The following CALN1 variants were observed in gnomAD, a reference collection of about 807,000 sequenced individuals.
The protein encoded by CALN1 is calneuron 1.
Under a neutral mutation model 30.6 loss-of-function variants are expected in CALN1, and 17 were observed. That is an observed-to-expected ratio of 0.56 (90% CI 0.38 to 0.83). The LOEUF is 0.83. Ranked by LOEUF, CALN1 falls within the 40% of genes least tolerant of loss-of-function variation. The probability of loss-of-function intolerance (pLI) is 0.00; values close to 1 mark genes in which losing one functional copy is unlikely to be tolerated. For synonymous variants in CALN1, 156 were observed against 131.4 expected (o/e 1.19, Z -1.28); for missense variants, 291 against 354.9 (o/e 0.82, Z 1.45).
At chr7:72,191,582 T>C (rs1452679081) in intron 3 of CALN1, among the ~76,000 whole-genome samples, 1 of 115,948 alleles carries the variant, frequency 8.6e-6, no homozygotes, top group African/African-American at 3.6e-5. Context: ...AAAAAAAGAA[T>C]GGCAGAGGAA....
At chr7:71,850,627 GT>G (rs1278887119) in intron 5 of CALN1, among the ~76,000 whole-genome samples, 3 of 152,212 alleles carry the variant, frequency 2.0e-5, no homozygotes, top group Non-Finnish European at 2.9e-5. Flanking sequence ...TAGGGGGGAG[GT>G]TATAGATTCT....
intron 4 of CALN1, among the ~76,000 whole-genome samples, chr7:72,060,715 A>G (rs1803587545): frequency 6.6e-6 from 1 of 152,104 alleles, no homozygotes; most frequent in African/African-American, 2.4e-5. Flanking sequence ...ACCGTGATGC[A>G]TGGTAGTGAG....
At chr7:72,359,425 G>A (rs1295234440) in intron 2 of CALN1, among the ~76,000 whole-genome samples, 1 of 152,094 alleles carries the variant, frequency 6.6e-6, no homozygotes, top group Non-Finnish European at 1.5e-5. Flanking sequence ...ACATATATCT[G>A]CTGCTTCTTT....
intron 3 of CALN1, among the ~76,000 whole-genome samples, chr7:72,260,439 G>T (rs906995599): frequency 1.3e-5 from 2 of 152,162 alleles, no homozygotes; most frequent in Admixed American, 6.6e-5. Flanking sequence ...CAGACCCCAG[G>T]TTAAAAACTT....
intron 3 of CALN1, among the ~76,000 whole-genome samples, chr7:72,221,221 A>C (rs555474877): frequency 6.6e-6 from 1 of 151,940 alleles, no homozygotes; most frequent in East Asian, 1.9e-4. Flanking sequence ...GAACTGACCT[A>C]TCAGGGAAGC....
intron 4 of CALN1, among the ~76,000 whole-genome samples, chr7:72,098,097 A>T (rs1806370360): frequency 1.3e-5 from 2 of 152,176 alleles, no homozygotes; most frequent in Admixed American, 1.3e-4. Flanking sequence ...CCTGACATGC[A>T]AAGGACACCT....
At chr7:72,181,735 A>AG (rs1789823369) in intron 3 of CALN1, among the ~76,000 whole-genome samples, 1 of 152,172 alleles carries the variant, frequency 6.6e-6, no homozygotes, top group Admixed American at 6.5e-5. Flanking sequence ...TTGGCCTCCC[A>AG]AAGTGCTGGG....
chr7:72,273,937 T>C (rs375262277), intron 3 of CALN1, among the ~76,000 whole-genome samples: 12 of 152,176 alleles, frequency 7.9e-5, no homozygotes, highest in East Asian at 1.9e-4. Context: ...AAAAGTTTCA[T>C]GCAAAAGAAA....
chr7:72,281,524 C>T (rs1268701404), intron 2 of CALN1, among the ~76,000 whole-genome samples: 2 of 152,158 alleles, frequency 1.3e-5, no homozygotes, highest in Non-Finnish European at 2.9e-5. Flanking sequence ...AAGACACCTG[C>T]TCTGATATTA....
chr7:72,099,272 CCTTT>C (rs1249459379), intron 4 of CALN1, among the ~76,000 whole-genome samples: 1 of 103,428 alleles, frequency 9.7e-6, no homozygotes, highest in Non-Finnish European at 1.8e-5. Context: ...CCCAAACACT[CCTTT>C]TTTTTTTTTT....
chr7:72,124,237 T>C (rs1022860105), intron 3 of CALN1, among the ~76,000 whole-genome samples: 1 of 152,020 alleles, frequency 6.6e-6, no homozygotes, highest in Non-Finnish European at 1.5e-5. Flanking sequence ...CTGCAATCTA[T>C]TGGAGAAAAC....
intron 5 of CALN1, among the ~76,000 whole-genome samples, chr7:71,972,894 A>G (rs1373519610): frequency 6.6e-6 from 1 of 152,022 alleles, no homozygotes; most frequent in African/African-American, 2.4e-5. Flanking sequence ...TGTTCCCCAT[A>G]TTTTGCAGCT....
chr7:71,907,456 C>T (rs1794204399), intron 5 of CALN1, among the ~76,000 whole-genome samples: 1 of 152,158 alleles, frequency 6.6e-6, no homozygotes. Flanking sequence ...CTATGAAGCA[C>T]ACCACACAGC....
At chr7:72,186,719 G>C (rs1038058713) in intron 3 of CALN1, among the ~76,000 whole-genome samples, 2 of 152,074 alleles carry the variant, frequency 1.3e-5, no homozygotes, top group Admixed American at 6.6e-5. Flanking sequence ...AGGTGCATTT[G>C]TGTGGCTGCG....
intron 5 of CALN1, among the ~76,000 whole-genome samples, chr7:71,846,223 A>G (rs1790226134): frequency 6.6e-6 from 1 of 152,128 alleles, no homozygotes; most frequent in African/African-American, 2.4e-5. Flanking sequence ...TTCTCATTGA[A>G]TATATATTGA....
chr7:72,054,432 CGT>C (rs1491097619), intron 4 of CALN1, among the ~76,000 whole-genome samples: 9 of 21,888 alleles, frequency 4.1e-4, no homozygotes, highest in East Asian at 9.3e-3. Context: ...TATATATACA[CGT>C]ATATATATAT....
upstream of CALN1, among the ~76,000 whole-genome samples, chr7:72,448,773 T>C (rs1808598737): frequency 6.6e-6 from 1 of 151,904 alleles, no homozygotes; most frequent in African/African-American, 2.4e-5. Context: ...GCCCGGATAA[T>C]TTTTTGTATT....
chr7:72,150,142 A>C (rs1182652933), intron 3 of CALN1, among the ~76,000 whole-genome samples: 2 of 138,400 alleles, frequency 1.4e-5, no homozygotes, highest in Non-Finnish European at 3.3e-5. Context: ...AAAAAAAAAA[A>C]AACAGATAGA....
chr7:72,328,317 G>A (rs1585502555), intron 2 of CALN1, among the ~76,000 whole-genome samples: 2 of 152,242 alleles, frequency 1.3e-5, no homozygotes, highest in African/African-American at 4.8e-5. Context: ...CCCCCATACT[G>A]TTCTCATGGT....
Sources: gnomAD v4.1 joint callset for allele counts (sites outside exome capture counted in the v4.1 genomes callset) on GRCh38, gnomAD v4.1.1 for gene constraint, MANE v1.5 for transcripts, NCBI Gene and HGNC (gene_info 2026-07-23, HGNC 2026-07-21) for gene names.